Variants in RIPOR2 observed in about 807,000 individuals in gnomAD.
The protein encoded by RIPOR2 is RHO family interacting cell polarization regulator 2, also known as rho family-interacting cell polarization regulator 2.
In RIPOR2, 39 loss-of-function variants were observed where a neutral mutation model predicts 114.5. The observed-to-expected ratio is 0.34, with a 90% CI of 0.26 to 0.44. The LOEUF is 0.44. Among genes scored for constraint, RIPOR2 ranks in the 20% least tolerant of loss-of-function variants. The pLI, the probability that RIPOR2 is intolerant of heterozygous loss-of-function variation, is 1.00. For missense variants in RIPOR2, 1,007 were observed against 1,255.1 expected (o/e 0.80, Z 2.99); for synonymous variants, 445 against 484.4 (o/e 0.92, Z 1.07).
At chr6:24,917,873 A>G (rs1056569299) in intron 1 of RIPOR2, among the ~76,000 whole-genome samples, 5 of 152,162 alleles carry the variant, frequency 3.3e-5, no homozygotes, top group Non-Finnish European at 7.4e-5. Context: ...TCACTTCACA[A>G]TATCTTTCCT....
chr6:24,840,519 G>A, intron 13 of RIPOR2: 9 of 1,419,660 alleles, frequency 6.3e-6, no homozygotes, highest in Non-Finnish European at 8.3e-6. Flanking sequence ...GGATGCTGGG[G>A]TGGGTCGAAT....
intron 1 of RIPOR2, among the ~76,000 whole-genome samples, chr6:24,889,748 A>G (rs1270008400): frequency 1.3e-5 from 2 of 152,140 alleles, no homozygotes. Flanking sequence ...TTTTCCAGTT[A>G]TTATGTATTA....
intron 1 of RIPOR2, among the ~76,000 whole-genome samples, chr6:24,941,258 G>A (rs1772118724): frequency 6.6e-6 from 1 of 152,042 alleles, no homozygotes; most frequent in South Asian, 2.1e-4. Flanking sequence ...GAAAGAAGGA[G>A]AAGAACCCAG....
At chr6:24,809,366 A>G (rs1334882158) in intron 21 of RIPOR2, among the ~76,000 whole-genome samples, 1 of 152,204 alleles carries the variant, frequency 6.6e-6, no homozygotes, top group Non-Finnish European at 1.5e-5. Flanking sequence ...TCTGTCCTCC[A>G]GGGAATGTCA....
intron 1 of RIPOR2, among the ~76,000 whole-genome samples, chr6:24,906,198 G>A (rs568268848): frequency 2.6e-5 from 4 of 152,184 alleles, no homozygotes; most frequent in Admixed American, 6.5e-5. Flanking sequence ...CTTCAGTCTA[G>A]ATCTTAAATC....
intron 1 of RIPOR2, among the ~76,000 whole-genome samples, chr6:24,996,927 A>G (rs1775075410): frequency 6.6e-6 from 1 of 152,262 alleles, no homozygotes; most frequent in Non-Finnish European, 1.5e-5. Flanking sequence ...CAGAACAACT[A>G]CTTGGAAATT....
chr6:24,853,687 G>A (rs1406270053), intron 8 of RIPOR2, among the ~76,000 whole-genome samples: 2 of 152,158 alleles, frequency 1.3e-5, no homozygotes, highest in African/African-American at 4.8e-5. Context: ...TCATAGAATT[G>A]TTTGTAAGGA....
intron 1 of RIPOR2, among the ~76,000 whole-genome samples, chr6:25,004,346 G>A (rs577575593): frequency 2.6e-4 from 39 of 152,320 alleles, no homozygotes; most frequent in South Asian, 1.7e-3. Flanking sequence ...TCAGATGCAA[G>A]TTAAAAAAAG....
intron 1 of RIPOR2, among the ~76,000 whole-genome samples, chr6:25,034,893 T>C (rs1777167914): frequency 6.6e-6 from 1 of 152,182 alleles, no homozygotes; most frequent in Non-Finnish European, 1.5e-5. Flanking sequence ...CAGTTTCCCA[T>C]CATTTTTCTT....
At chr6:24,847,733 T>C (rs1470509821) in intron 12 of RIPOR2, 5 of 1,527,854 alleles carry the variant, frequency 3.3e-6, no homozygotes, top group Non-Finnish European at 3.5e-6. Context: ...GTGGGAAGAA[T>C]CAGGTTACTA....
At chr6:25,035,000 AAG>A (rs1777172439) in intron 1 of RIPOR2, among the ~76,000 whole-genome samples, 4 of 152,240 alleles carry the variant, frequency 2.6e-5, no homozygotes, top group African/African-American at 9.6e-5. Context: ...CTACAGAAGC[AAG>A]TATTCTTCTG....
chr6:24,941,662 A>G (rs755209067), intron 1 of RIPOR2, among the ~76,000 whole-genome samples: 1 of 152,182 alleles, frequency 6.6e-6, no homozygotes, highest in Non-Finnish European at 1.5e-5. Flanking sequence ...CTCAACCAGA[A>G]TGTAATCACA....
intron 1 of RIPOR2, among the ~76,000 whole-genome samples, chr6:24,907,948 G>A (rs1769156592): frequency 6.6e-6 from 1 of 152,088 alleles, no homozygotes; most frequent in Non-Finnish European, 1.5e-5. Context: ...ATGAGTGACT[G>A]GGCTATCTGT....
intron 1 of RIPOR2, among the ~76,000 whole-genome samples, chr6:25,000,927 C>T (rs1775281908): frequency 6.6e-6 from 1 of 152,304 alleles, no homozygotes; most frequent in African/African-American, 2.4e-5. Context: ...ATTGACCAGG[C>T]ATCATTTACC....
rs767113009 is a variant in RIPOR2 at position 24,899,248 on chromosome 6, C to T, written c.62-23431G>A. 2.4e-4 allele frequency among the ~76,000 whole-genome samples: 37 copies of T among 151,992 alleles called. 1 individual carries two copies. The highest frequency in any genetic ancestry group is 1.4e-3 in the Admixed American group (22 of 15,256). ...ATTATCATTCTCATTGAATTATCCT[C>T]ATAAAGGAAACTATACTCAGGCTAA... On this transcript the variant is annotated intron_variant, in intron 1 of 21. Coordinates refer to ENST00000643898, the MANE Select transcript of RIPOR2 (RefSeq NM_001286445.3).
chr6:24,824,104 G>A (rs1193668511), intron 19 of RIPOR2, among the ~76,000 whole-genome samples: 2 of 152,198 alleles, frequency 1.3e-5, no homozygotes, highest in South Asian at 2.1e-4. Context: ...GCCCCTCAGT[G>A]TGACTAAAGA....
chr6:24,873,388 G>A (rs537197777), intron 3 of RIPOR2, among the ~76,000 whole-genome samples: 6 of 152,298 alleles, frequency 3.9e-5, no homozygotes, highest in African/African-American at 1.2e-4. Context: ...GTCTAGAATG[G>A]ATATGTCTGT....
At chr6:24,891,186 G>A (rs1443116153) in intron 1 of RIPOR2, among the ~76,000 whole-genome samples, 1 of 152,288 alleles carries the variant, frequency 6.6e-6, no homozygotes, top group South Asian at 2.1e-4. Flanking sequence ...GCAAAGTTGA[G>A]TGGCTTCCCA....
At chr6:24,846,079 T>C (rs938797176) in intron 12 of RIPOR2, among the ~76,000 whole-genome samples, 1 of 152,174 alleles carries the variant, frequency 6.6e-6, no homozygotes, top group Non-Finnish European at 1.5e-5. Context: ...CTTGTTCTTA[T>C]TTAAATTATG....
Sources: gnomAD v4.1 joint callset for allele counts (sites outside exome capture counted in the v4.1 genomes callset) on GRCh38, gnomAD v4.1.1 for gene constraint, MANE v1.5 for transcripts, NCBI Gene and HGNC (gene_info 2026-07-23, HGNC 2026-07-21) for gene names.